Variants in SEMA3D observed in about 807,000 individuals in gnomAD.
SEMA3D encodes semaphorin 3D.
In SEMA3D, 84 loss-of-function variants were observed where a neutral mutation model predicts 100.1. The observed-to-expected ratio is 0.84, with a 90% confidence interval of 0.70 to 1.01. The LOEUF is 1.01. Among genes scored for constraint, SEMA3D ranks in the 50% least tolerant of loss-of-function variants. SEMA3D has a pLI of 0.00. For missense variants in SEMA3D, 875 were observed against 934.1 expected (o/e 0.94, Z 0.82); for synonymous variants, 312 against 320.7 (o/e 0.97, Z 0.29).
At chr7:85,147,128 G>GTTTTTTTTTTTTTTTTTTT (rs1790238953) in intron 2 of SEMA3D, among the ~76,000 whole-genome samples, 1 of 63,942 alleles carries the variant, frequency 1.6e-5, no homozygotes, top group African/African-American at 7.8e-5. Context: ...TTGAGACGGA[G>GTTTTTTTTTTTTTTTTTTT]TTTTCCTCTT....
chr7:85,116,240 C>G (rs950084388), intron 3 of SEMA3D, among the ~76,000 whole-genome samples: 1 of 145,608 alleles, frequency 6.9e-6, no homozygotes, highest in Admixed American at 6.9e-5. Context: ...ATGTACATAC[C>G]TATATAAATT....
At chr7:85,030,306 C>T (rs1008185322) in intron 12 of SEMA3D, among the ~76,000 whole-genome samples, 3 of 151,664 alleles carry the variant, frequency 2.0e-5, no homozygotes, top group Non-Finnish European at 4.4e-5. Flanking sequence ...CATCAGTGTC[C>T]ACATAGTAAA....
the SEMA3D span, among the ~76,000 whole-genome samples, chr7:85,219,297 G>A: frequency 1.5e-4 from 23 of 152,148 alleles, no homozygotes; most frequent in East Asian, 3.1e-3. Flanking sequence ...AGGTACCTAT[G>A]ACTAAAATAT....
chr7:85,119,709 G>T (rs145641152), intron 3 of SEMA3D, among the ~76,000 whole-genome samples: 26 of 152,192 alleles, frequency 1.7e-4, no homozygotes, highest in African/African-American at 6.0e-4. Flanking sequence ...AAACCTCCAC[G>T]ACACAACTTG....
chr7:85,052,563 C>A (rs936280009), intron 9 of SEMA3D, among the ~76,000 whole-genome samples: 1 of 151,990 alleles, frequency 6.6e-6, no homozygotes, highest in African/African-American at 2.4e-5. Context: ...CATTCCTTAG[C>A]GTAGTCCCAC....
intron 13 of SEMA3D, among the ~76,000 whole-genome samples, chr7:85,020,968 C>T (rs1790238400): frequency 6.6e-6 from 1 of 151,260 alleles, no homozygotes; most frequent in Non-Finnish European, 1.5e-5. Context: ...ATCTTAAATA[C>T]ATCATCTTAC....
chr7:85,064,615 A>G (rs940922582), intron 8 of SEMA3D, among the ~76,000 whole-genome samples: 3 of 152,108 alleles, frequency 2.0e-5, no homozygotes, highest in African/African-American at 7.2e-5. Flanking sequence ...CCCAATATTT[A>G]TTATGGGAAT....
At chr7:85,235,759 T>C in the SEMA3D span, among the ~76,000 whole-genome samples, 23 of 152,246 alleles carry the variant, frequency 1.5e-4, no homozygotes, top group African/African-American at 5.5e-4. Context: ...GGTGACTATG[T>C]AGGTACAATT....
At chr7:85,135,066 C>A (rs1257011751) in intron 2 of SEMA3D, among the ~76,000 whole-genome samples, 2 of 151,162 alleles carry the variant, frequency 1.3e-5, no homozygotes, top group African/African-American at 4.9e-5. Flanking sequence ...AGAAGGGCCA[C>A]GAGATAATGG....
chr7:85,128,401 C>T (rs28673985), intron 2 of SEMA3D, among the ~76,000 whole-genome samples: 3,623 of 152,104 alleles, frequency 0.024, 82 homozygotes, highest in South Asian at 0.082. Context: ...AAGTTCCTGA[C>T]CTCGTGATCC....
chr7:84,999,741 T>C lies in SEMA3D; in HGVS notation c.2033A>G (p.Lys678Arg). 1 of 1,614,122 alleles carries C rather than the reference T, an allele frequency of 6.2e-7. No individual in the cohort carries two copies. Among genetic ancestry groups the C allele is most frequent in the Non-Finnish European group, 8.5e-7 (1 of 1,180,028 alleles). ...QEHTFIHTIV[K>R]LTLNVIENEQ... is the part of the protein sequence containing the mutation. ...ATTCTCAATGACATTCAAAGTCAGCTTCACTATGGTGTGGATGAAAGTGTG... is the reference window on the plus strand; with the variant it reads ...ATTCTCAATGACATTCAAAGTCAGCCTCACTATGGTGTGGATGAAAGTGTG... Residue 678 changes from lysine to arginine, a missense_variant, in exon 19 of 19, where the codon AAG (lysine) becomes AGG (arginine). By Grantham distance (26) the Lys-to-Arg change is conservative (BLOSUM62 2). Transcript: ENST00000284136.
intron 1 of SEMA3D, among the ~76,000 whole-genome samples, chr7:85,185,066 G>T (rs1204539244): frequency 1.3e-5 from 2 of 151,320 alleles, no homozygotes; most frequent in African/African-American, 4.8e-5. Context: ...CAGAGAAGAA[G>T]GAAAAGGAGA....
chr7:85,070,207 C>T (rs1044131852), intron 6 of SEMA3D, among the ~76,000 whole-genome samples: 54 of 152,210 alleles, frequency 3.5e-4, no homozygotes, highest in African/African-American at 1.3e-3. Flanking sequence ...GCACTGACTT[C>T]CTTCCTAAAT....
intron 2 of SEMA3D, among the ~76,000 whole-genome samples, chr7:85,124,247 G>A (rs1012369903): frequency 6.6e-6 from 1 of 151,824 alleles, no homozygotes; most frequent in Non-Finnish European, 1.5e-5. Flanking sequence ...GTTTCAACTT[G>A]TTAGTTAGAA....
At chr7:85,151,592 TGTATGC>T (rs1790420493) in intron 2 of SEMA3D, 2 of 898,328 alleles carry the variant, frequency 2.2e-6, no homozygotes, top group Non-Finnish European at 2.6e-6. Flanking sequence ...TATGCATGTG[TGTATGC>T]GTGTGTGTGT....
At chr7:85,032,903 A>G (rs560060876) in intron 12 of SEMA3D, among the ~76,000 whole-genome samples, 4 of 152,186 alleles carry the variant, frequency 2.6e-5, no homozygotes, top group African/African-American at 7.2e-5. Flanking sequence ...TTCTGTCTCT[A>G]TTACTGATTA....
rs1163935787 is a variant in SEMA3D, at chr7:84,998,867, AC to A, written c.*572del. 6.5e-6 allele frequency: 1 copy of A among 153,720 alleles called. No individual in the cohort carries two copies. Among genetic ancestry groups the A allele is most frequent in the African/African-American group, 2.4e-5 (1 of 41,406 alleles). The allele number at this position is 153,720 out of a possible 1,614,324, so 9.5% of individuals were successfully genotyped here. A position where few individuals can be genotyped will look rare whatever the true frequency, so the allele number is the denominator to read the frequency against. ...TCAATGTTGTAGTACACTAAATTTAACCCCAGTGGCCAGAAAGAAATAATGC... is the reference window on the plus strand; with the variant it reads ...TCAATGTTGTAGTACACTAAATTTAACCCAGTGGCCAGAAAGAAATAATGC... On this transcript the variant is annotated 3_prime_UTR_variant, in exon 19 of 19. Transcript: ENST00000284136.
chr7:85,151,466 C>T (rs992751948), intron 2 of SEMA3D, among the ~76,000 whole-genome samples: 2 of 151,906 alleles, frequency 1.3e-5, no homozygotes, highest in African/African-American at 4.8e-5. Flanking sequence ...TTTTCAAAAT[C>T]AGTTCCAGAA....
At chr7:85,103,952 A>T (rs1204911102) in intron 3 of SEMA3D, among the ~76,000 whole-genome samples, 3 of 151,980 alleles carry the variant, frequency 2.0e-5, no homozygotes. Flanking sequence ...AACAACATGA[A>T]ATTTTCACGT....
Sources: gnomAD v4.1 joint callset for allele counts (sites outside exome capture counted in the v4.1 genomes callset) on GRCh38, gnomAD v4.1.1 for gene constraint, MANE v1.5 for transcripts, NCBI Gene and HGNC (gene_info 2026-07-23, HGNC 2026-07-21) for gene names.